The following CREB5 variants were observed in gnomAD, a reference collection of about 807,000 sequenced individuals.
CREB5 encodes the protein cyclic AMP-responsive element-binding protein 5.
Under a neutral mutation model 57.1 loss-of-function variants are expected in CREB5, and 19 were observed. That is an observed-to-expected ratio of 0.33 (90% CI 0.23 to 0.49). CREB5 has a LOEUF of 0.49. CREB5 is among the 20% of genes least tolerant of loss of function. The pLI is 0.99. For missense variants in CREB5, 579 were observed against 671.6 expected (o/e 0.86, Z 1.52); for synonymous variants, 238 against 238.3 (o/e 1.00, Z 0.01).
chr7:28,424,915 G>A (rs988618657), intron 1 of CREB5, among the ~76,000 whole-genome samples: 1 of 152,148 alleles, frequency 6.6e-6, no homozygotes, highest in African/African-American at 2.4e-5. Context: ...ACAAAATTCT[G>A]CATTTTAGAA....
At chr7:28,462,582 C>T (rs1168361303) in intron 1 of CREB5, among the ~76,000 whole-genome samples, 1 of 152,260 alleles carries the variant, frequency 6.6e-6, no homozygotes, top group East Asian at 1.9e-4. Context: ...ATCACCAACA[C>T]TTTCCGGGGT....
chr7:28,488,954 A>C (rs1791684920), intron 2 of CREB5, among the ~76,000 whole-genome samples: 2 of 152,216 alleles, frequency 1.3e-5, no homozygotes, highest in Non-Finnish European at 2.9e-5. Context: ...ATTGGAATCT[A>C]TCTCTTTGAA....
chr7:28,622,259 T>TCACACACACACACA (rs4000593), intron 5 of CREB5, among the ~76,000 whole-genome samples: 1 of 142,788 alleles, frequency 7.0e-6, no homozygotes, highest in Non-Finnish European at 1.5e-5. Flanking sequence ...TCTCTCTCTC[T>TCACACACACACACA]CACACACACA....
In CREB5 at chr7:28,345,273, CTTTT is replaced by C. The variant is rs58373526; in HGVS notation, c.-25+45845_-25+45848del. Among the ~76,000 whole-genome samples the C allele has an allele frequency of 3.8e-3, 561 of 148,396 alleles. 1 individual carries two copies. The highest frequency in any genetic ancestry group is 7.0e-3 in the Middle Eastern group (2 of 286). ...CCATATGGTGGCCCACAAAACAAGT[CTTTT>C]TTTTTTTTTTTTATCTTTTCTCTCT... On this transcript the variant is annotated intron_variant, in intron 1 of 9. Transcript: ENST00000396299.
chr7:28,585,688 C>G (rs1796280678), intron 5 of CREB5, among the ~76,000 whole-genome samples: 1 of 152,048 alleles, frequency 6.6e-6, no homozygotes, highest in Non-Finnish European at 1.5e-5. Context: ...ACCTAATGCT[C>G]CGAGAAATCC....
At chr7:28,610,800 A>T (rs576312511) in intron 5 of CREB5, among the ~76,000 whole-genome samples, 16 of 152,158 alleles carry the variant, frequency 1.1e-4, no homozygotes, top group Admixed American at 4.6e-4. Context: ...ACCATAGAGA[A>T]TCCATAGAGA....
chr7:28,554,740 T>A lies in CREB5; in HGVS notation c.292-15625T>A, dbSNP rs1014825005. On this transcript the variant is annotated intron_variant, in intron 4 of 10. Transcript: ENST00000357727. Reference sequence around the variant, plus strand: ...GTCAGCTCTGGGCCACAGCCTCTTATTGGAGGCCCGGAGGGCGTTTCCAGT... The same window carrying A: ...GTCAGCTCTGGGCCACAGCCTCTTAATGGAGGCCCGGAGGGCGTTTCCAGT... 2.0e-5 allele frequency among the ~76,000 whole-genome samples: 3 copies of A among 152,232 alleles called. 1 individual carries two copies. The highest frequency in any genetic ancestry group is 3.9e-4 in the East Asian group (2 of 5,190).
chr7:28,703,380 A>C (rs1262629864), intron 5 of CREB5, among the ~76,000 whole-genome samples: 1 of 152,206 alleles, frequency 6.6e-6, no homozygotes, highest in Non-Finnish European at 1.5e-5. Context: ...ACTTCTACCA[A>C]ATATATTTAA....
intron 7 of CREB5, among the ~76,000 whole-genome samples, chr7:28,742,497 C>T (rs912327926): frequency 5.9e-5 from 9 of 151,804 alleles, no homozygotes; most frequent in African/African-American, 1.9e-4. Context: ...ACCTGGGAGG[C>T]GGAGCTTGCA....
chr7:28,749,777 A>G (rs1279325613), intron 7 of CREB5, among the ~76,000 whole-genome samples: 2 of 152,328 alleles, frequency 1.3e-5, no homozygotes, highest in South Asian at 2.1e-4. Flanking sequence ...TGCTAGGGGT[A>G]CCTAATACAT....
chr7:28,433,899 T>C (rs1241537985), intron 1 of CREB5, among the ~76,000 whole-genome samples: 2 of 151,836 alleles, frequency 1.3e-5, no homozygotes, highest in Non-Finnish European at 2.9e-5. Context: ...GTAATAAAAT[T>C]TTTAAAAGAT....
intron 5 of CREB5, among the ~76,000 whole-genome samples, chr7:28,656,977 T>G (rs767773742): frequency 8.5e-5 from 13 of 152,098 alleles, no homozygotes; most frequent in Non-Finnish European, 1.3e-4. Context: ...ATGAGACAAT[T>G]ATTGTGTATG....
intron 1 of CREB5, among the ~76,000 whole-genome samples, chr7:28,429,972 G>A (rs1321159307): frequency 6.6e-6 from 1 of 152,198 alleles, no homozygotes; most frequent in African/African-American, 2.4e-5. Context: ...GATTTACCAG[G>A]AAAGGATTGT....
chr7:28,427,573 A>G (rs1386421230), intron 1 of CREB5, among the ~76,000 whole-genome samples: 1 of 151,888 alleles, frequency 6.6e-6, no homozygotes, highest in African/African-American at 2.4e-5. Flanking sequence ...ATACGCTCAC[A>G]CTTTATTCCT....
At chr7:28,319,667 A>G (rs1036705548) in intron 1 of CREB5, among the ~76,000 whole-genome samples, 4 of 151,966 alleles carry the variant, frequency 2.6e-5, no homozygotes, top group Non-Finnish European at 4.4e-5. Flanking sequence ...GTGCCCCACC[A>G]TTTCCCCATC....
intron 5 of CREB5, among the ~76,000 whole-genome samples, chr7:28,592,960 C>A (rs1360383789): frequency 1.3e-5 from 2 of 152,342 alleles, no homozygotes; most frequent in South Asian, 2.1e-4. Context: ...TCATGTAAAT[C>A]ATAAATGGCA....
intron 9 of CREB5, among the ~76,000 whole-genome samples, chr7:28,814,143 T>A (rs1809285960): frequency 6.6e-6 from 1 of 152,246 alleles, no homozygotes; most frequent in Non-Finnish European, 1.5e-5. Context: ...ATTTGCTATC[T>A]GGTTGTTCTC....
chr7:28,410,904 A>C, upstream of CREB5: 1 of 272,980 alleles, frequency 3.7e-6, no homozygotes, highest in Non-Finnish European at 7.3e-6. Flanking sequence ...GGGCATCTTT[A>C]TTGCCCTCTC....
At chr7:28,513,940 G>A (rs1792822933) in intron 4 of CREB5, 1 of 152,186 alleles carries the variant, frequency 6.6e-6, no homozygotes, top group South Asian at 2.1e-4. Context: ...TGAAAAGACA[G>A]GGTATCCTGA....
Sources: gnomAD v4.1 joint callset for allele counts (sites outside exome capture counted in the v4.1 genomes callset) on GRCh38, gnomAD v4.1.1 for gene constraint, MANE v1.5 for transcripts, NCBI Gene and HGNC (gene_info 2026-07-23, HGNC 2026-07-21) for gene names.